The following PTPRD variants were observed in gnomAD, a reference collection of about 807,000 sequenced individuals.
The protein encoded by PTPRD is receptor-type tyrosine-protein phosphatase delta.
A neutral mutation model predicts 214.5 loss-of-function variants in PTPRD; 34 were observed. The ratio of observed to expected loss-of-function variants is 0.16; its 90% CI spans 0.12 to 0.21. The LOEUF is 0.21. Among genes scored for constraint, PTPRD ranks in the 10% least tolerant of loss-of-function variants. The pLI is 1.00. For missense variants in PTPRD, 2,545 were observed against 2,398.7 expected, an observed-to-expected ratio of 1.06 and a Z score of -1.27; for synonymous variants, 1,128 against 845.7, an observed-to-expected ratio of 1.33 and a Z score of -5.79.
intron 5 of PTPRD, among the ~76,000 whole-genome samples, chr9:9,869,832 T>C (rs1380402488): frequency 6.6e-6 from 1 of 151,714 alleles, no homozygotes; most frequent in Non-Finnish European, 1.5e-5. Context: ...GAGAACTGTT[T>C]GGAGACTATG....
rs533895097 is a variant in PTPRD at position 9,747,278 on chromosome 9, T to C, written c.-325-12707A>G. ...CTGTTCAGGCTCATGATTTCCGATA[T>C]GAAATAAATATGGGGCTAAAAGAGG... On this transcript the variant is annotated intron_variant, in intron 6 of 45. Transcript: ENST00000381196. Among the ~76,000 whole-genome samples, 9 of 152,210 alleles carry C rather than the reference T, an allele frequency of 5.9e-5. No homozygotes were observed. In the East Asian group the frequency reaches 1.7e-3, roughly 29 times the overall value.
intron 9 of PTPRD, among the ~76,000 whole-genome samples, chr9:9,188,513 C>T (rs547463415): frequency 4.6e-5 from 7 of 152,058 alleles, no homozygotes; most frequent in East Asian, 3.9e-4. Context: ...AACATCTTTG[C>T]CAATAGTTGG....
chr9:10,248,541 C>T lies in PTPRD; in HGVS notation c.-545+92422G>A, dbSNP rs555215751. ...AAAAAAAAAAATAAAAAAAATAAAG[C>T]GAGAAACCAAAATGATAGATTATCT... On this transcript the variant is annotated intron_variant, in intron 3 of 45. Transcript: ENST00000381196. Among the ~76,000 whole-genome samples, 7 of 106,300 alleles carry T rather than the reference C, an allele frequency of 6.6e-5. No homozygotes were observed. The East Asian group carries it at 1.9e-3, about 29-fold the overall frequency. 69.7% of individuals were successfully genotyped at this position (106,300 alleles called of 152,430 possible).
chr9:10,062,326 C>A (rs1172952199), intron 3 of PTPRD, among the ~76,000 whole-genome samples: 3 of 151,968 alleles, frequency 2.0e-5, no homozygotes, highest in Non-Finnish European at 4.4e-5. Context: ...GGTTTTCAGC[C>A]AGGTGCAGTG....
intron 8 of PTPRD, among the ~76,000 whole-genome samples, chr9:9,522,865 C>G (rs1441896973): frequency 6.6e-6 from 1 of 152,150 alleles, no homozygotes; most frequent in Non-Finnish European, 1.5e-5. Context: ...TGCCACCTCC[C>G]TCTGGCTAAG....
chr9:9,503,670 T>C (rs1427175382), intron 8 of PTPRD, among the ~76,000 whole-genome samples: 4 of 151,710 alleles, frequency 2.6e-5, no homozygotes, highest in Non-Finnish European at 5.9e-5. Context: ...AGTGTGTAAG[T>C]TCTCAGAATC....
chr9:10,017,098 A>T (rs12349713), intron 4 of PTPRD, among the ~76,000 whole-genome samples: 22,374 of 152,242 alleles, frequency 0.15, 1,924 homozygotes, highest in African/African-American at 0.22. Flanking sequence ...CAGTAATGTG[A>T]ATAAAGTTCC....
chr9:10,290,195 AG>A (rs774747192), intron 3 of PTPRD, among the ~76,000 whole-genome samples: 10 of 152,156 alleles, frequency 6.6e-5, no homozygotes, highest in Non-Finnish European at 1.5e-4. Context: ...GCATATCAGA[AG>A]GTACCCAAAA....
At chr9:9,756,622 G>A (rs575693728) in intron 6 of PTPRD, among the ~76,000 whole-genome samples, 1 of 152,162 alleles carries the variant, frequency 6.6e-6, no homozygotes, top group Non-Finnish European at 1.5e-5. Context: ...GTTTTCCTTT[G>A]GGGTAATGAA....
At chr9:9,788,661 A>G (rs1032195893) in intron 5 of PTPRD, among the ~76,000 whole-genome samples, 50 of 152,222 alleles carry the variant, frequency 3.3e-4, no homozygotes, top group African/African-American at 1.2e-3. Context: ...TTAATCTGAT[A>G]CAAAAGAAAA....
At chr9:9,317,748 A>C (rs1964064886) in intron 9 of PTPRD, among the ~76,000 whole-genome samples, 1 of 152,170 alleles carries the variant, frequency 6.6e-6, no homozygotes. Context: ...TGAAGCACAA[A>C]GCCATGGATC....
At chr9:9,549,332 T>A (rs1318514597) in intron 8 of PTPRD, among the ~76,000 whole-genome samples, 1 of 151,990 alleles carries the variant, frequency 6.6e-6, no homozygotes, top group African/African-American at 2.4e-5. Flanking sequence ...TTATAACTAA[T>A]CAAAAGACAA....
At chr9:9,640,642 T>C (rs553395192) in intron 7 of PTPRD, among the ~76,000 whole-genome samples, 13 of 152,274 alleles carry the variant, frequency 8.5e-5, no homozygotes, top group Admixed American at 8.5e-4. Context: ...AGAATTTTTA[T>C]GGAGGAGTTA....
At chr9:10,467,913 T>C (rs948914895) in intron 2 of PTPRD, among the ~76,000 whole-genome samples, 3 of 152,280 alleles carry the variant, frequency 2.0e-5, no homozygotes, top group Admixed American at 6.5e-5. Flanking sequence ...CTCATCATCA[T>C]TGGTCATTAG....
chr9:8,968,804 G>C (rs949702721), intron 11 of PTPRD, among the ~76,000 whole-genome samples: 1 of 152,008 alleles, frequency 6.6e-6, no homozygotes, highest in Non-Finnish European at 1.5e-5. Flanking sequence ...ATATGAGAAA[G>C]TACCTTCCAA....
chr9:10,067,425 T>A lies in PTPRD; in HGVS notation c.-544-33635A>T, dbSNP rs192468743. ...CAAAGATATTGTTTTTCCAATGTTATACATCTTTCACAGAGCACTAACATA... is the reference window on the plus strand; with the variant it reads ...CAAAGATATTGTTTTTCCAATGTTAAACATCTTTCACAGAGCACTAACATA... On this transcript the variant is annotated intron_variant, in intron 3 of 45. Coordinates refer to ENST00000381196, the MANE Select transcript of PTPRD (RefSeq NM_002839.4). 1.8e-3 allele frequency among the ~76,000 whole-genome samples: 271 copies of A among 152,034 alleles called. 2 individuals carry two copies. The highest frequency in any genetic ancestry group is 6.1e-3 in the African/African-American group (253 of 41,538).
chr9:8,385,253 G>A (rs1589214169), intron 37 of PTPRD, among the ~76,000 whole-genome samples: 1 of 152,258 alleles, frequency 6.6e-6, no homozygotes, highest in African/African-American at 2.4e-5. Context: ...AGCCAGGCAC[G>A]GGCTGGCTCA....
chr9:9,590,228 G>T (rs986936064), intron 7 of PTPRD, among the ~76,000 whole-genome samples: 1 of 151,378 alleles, frequency 6.6e-6, no homozygotes, highest in African/African-American at 2.4e-5. Context: ...TTTTCCACAG[G>T]GCAATATATC....
intron 7 of PTPRD, among the ~76,000 whole-genome samples, chr9:9,689,248 A>C (rs997395818): frequency 2.0e-5 from 3 of 151,852 alleles, no homozygotes; most frequent in South Asian, 2.1e-4. Flanking sequence ...ATTCCACATA[A>C]GGTCTCTGTA....
Sources: allele counts gnomAD v4.1 joint callset (sites outside exome capture counted in the v4.1 genomes callset), GRCh38; gene constraint gnomAD v4.1.1; transcripts MANE v1.5; gene names NCBI Gene and HGNC (gene_info 2026-07-23, HGNC 2026-07-21).